EPB41L4A: variants seen among roughly 807,000 people sequenced by gnomAD.
EPB41L4A encodes the protein erythrocyte membrane protein band 4.1 like 4A, also known as band 4.1-like protein 4A.
A neutral mutation model predicts 108.6 loss-of-function variants in EPB41L4A; 100 were observed. The ratio of observed to expected loss-of-function variants is 0.92; its 90% CI spans 0.78 to 1.09. The LOEUF (loss-of-function observed/expected upper bound fraction) is 1.09, where lower values mean the gene tolerates loss of function less well. Ranked by LOEUF, EPB41L4A falls within the 50% of genes least tolerant of loss-of-function variation. The pLI, the probability that EPB41L4A is intolerant of heterozygous loss-of-function variation, is 0.00. For synonymous variants in EPB41L4A, 319 were observed against 289.0 expected (o/e 1.10, Z -1.05); for missense variants, 1,030 against 842.7 (o/e 1.22, Z -2.75).
intron 14 of EPB41L4A, 128 bp downstream of exon 14, chr5:112,205,293 G>T: frequency 1.2e-6 from 1 of 813,182 alleles, no homozygotes; most frequent in Non-Finnish European, 2.2e-6. Flanking sequence ...CATTGATTTA[G>T]AGTCTGCCCA....
At chr5:112,351,779 C>CA (rs1462804832) in intron 1 of EPB41L4A, among the ~76,000 whole-genome samples, 3 of 151,986 alleles carry the variant, frequency 2.0e-5, no homozygotes, top group Non-Finnish European at 4.4e-5. Context: ...AGCAACATAT[C>CA]AAAAAAATAA....
At position 112,240,805 on chromosome 5, in the gene EPB41L4A, G is replaced by T; in HGVS notation, c.801C>A (p.Asn267Lys). 1 of 1,580,894 alleles carries T rather than the reference G, an allele frequency of 6.3e-7. No individual in the cohort carries two copies. Among genetic ancestry groups the T allele is most frequent in the Non-Finnish European group, 8.6e-7 (1 of 1,165,686 alleles). The change falls in exon 10 of 23, where the codon AAC becomes AAA. Residue 267 changes from asparagine to lysine, a missense_variant. By Grantham distance (94) the Asn-to-Lys change is moderately conservative. Coordinates refer to ENST00000261486, the MANE Select transcript of EPB41L4A (RefSeq NM_022140.5). ...FELRVLGKDC[N>K]ETSFFFEARS... Reference sequence around the variant, plus strand: ...GAGCTTCAAAAAAGAATGAGGTTTCGTTACACTAAGAGAGAAAGAGAGACA... The same window carrying T: ...GAGCTTCAAAAAAGAATGAGGTTTCTTTACACTAAGAGAGAAAGAGAGACA...
At chr5:112,363,356 G>A (rs1213371015) in intron 1 of EPB41L4A, 3 of 149,400 alleles carry the variant, frequency 2.0e-5, no homozygotes, top group Non-Finnish European at 3.0e-5. Flanking sequence ...AACACTTTGA[G>A]AGGCTGAGGT....
chr5:112,312,974 T>C (rs1190150306), intron 1 of EPB41L4A, among the ~76,000 whole-genome samples: 2 of 152,224 alleles, frequency 1.3e-5, no homozygotes, highest in Admixed American at 6.5e-5. Flanking sequence ...GGGCCAGTCC[T>C]AGGATTTATT....
At chr5:112,315,598 T>C (rs35843631) in intron 1 of EPB41L4A, among the ~76,000 whole-genome samples, 9,414 of 152,276 alleles carry the variant, frequency 0.062, 362 homozygotes, top group Middle Eastern at 0.092. Flanking sequence ...CTTTTAACTT[T>C]AAAATACACA....
At chr5:112,263,721 C>A (rs924344531) in intron 6 of EPB41L4A, 4 of 152,190 alleles carry the variant, frequency 2.6e-5, no homozygotes, top group African/African-American at 9.6e-5. Flanking sequence ...CTTTCTCTGA[C>A]TGCAATTCAG....
intron 9 of EPB41L4A, among the ~76,000 whole-genome samples, chr5:112,246,572 T>C (rs1004023488): frequency 6.6e-6 from 1 of 152,204 alleles, no homozygotes. Context: ...AAAAGCTACA[T>C]GCCTCCCCCA....
intron 12 of EPB41L4A, among the ~76,000 whole-genome samples, chr5:112,223,489 C>A (rs895926810): frequency 6.6e-6 from 1 of 152,138 alleles, no homozygotes; most frequent in Non-Finnish European, 1.5e-5. Flanking sequence ...TCCTCAGATG[C>A]CATCTACTCA....
chr5:112,396,203 C>A (rs2112711782), intron 1 of EPB41L4A, among the ~76,000 whole-genome samples: 1 of 152,040 alleles, frequency 6.6e-6, no homozygotes, highest in African/African-American at 2.4e-5. Context: ...ACATATGTAA[C>A]AAACCTGCAC....
At chr5:112,275,703 T>G (rs1054564205) in intron 3 of EPB41L4A, among the ~76,000 whole-genome samples, 1 of 152,030 alleles carries the variant, frequency 6.6e-6, no homozygotes, top group African/African-American at 2.4e-5. Flanking sequence ...ATATGTAATT[T>G]TTCATAGTGA....
intron 1 of EPB41L4A, among the ~76,000 whole-genome samples, chr5:112,353,616 G>A (rs1481237150): frequency 6.6e-6 from 1 of 152,176 alleles, no homozygotes; most frequent in East Asian, 1.9e-4. Context: ...GGTACACATG[G>A]CAGGGTTATC....
At chr5:112,351,589 A>G (rs1445288312) in intron 1 of EPB41L4A, among the ~76,000 whole-genome samples, 1 of 152,184 alleles carries the variant, frequency 6.6e-6, no homozygotes, top group Admixed American at 6.5e-5. Flanking sequence ...CCTGAAGAGG[A>G]GGGAATTCTT....
At chr5:112,378,952 C>T (rs1561623964) in intron 1 of EPB41L4A, among the ~76,000 whole-genome samples, 1 of 152,150 alleles carries the variant, frequency 6.6e-6, no homozygotes, top group African/African-American at 2.4e-5. Flanking sequence ...GATGTGTTCT[C>T]CAGCAGTCCA....
chr5:112,386,563 T>G (rs1760542942), intron 1 of EPB41L4A, among the ~76,000 whole-genome samples: 1 of 152,216 alleles, frequency 6.6e-6, no homozygotes, highest in Non-Finnish European at 1.5e-5. Context: ...TATTATTGGA[T>G]GTAACCGTCA....
At chr5:112,237,065 G>A (rs1468439608) in intron 11 of EPB41L4A, among the ~76,000 whole-genome samples, 1 of 152,112 alleles carries the variant, frequency 6.6e-6, no homozygotes, top group East Asian at 1.9e-4. Flanking sequence ...ATTCTCAAGT[G>A]TAAATTCTAC....
chr5:112,357,508 C>T (rs1758437161), intron 1 of EPB41L4A, among the ~76,000 whole-genome samples: 1 of 152,180 alleles, frequency 6.6e-6, no homozygotes, highest in African/African-American at 2.4e-5. Flanking sequence ...TTCCTTAAGA[C>T]CAGGTGCCTG....
At position 112,227,143 on chromosome 5, in the gene EPB41L4A, C is replaced by T. The variant is rs143353392; in HGVS notation, c.1087+7491G>A. On this transcript the variant is annotated intron_variant, in intron 12 of 22. Transcript: ENST00000261486. Reference sequence around the variant, plus strand: ...ACAGAAGAAACCTTCACATAGTATGCTCTGACTGGCCCAGTTCTTCACACT... The same window carrying T: ...ACAGAAGAAACCTTCACATAGTATGTTCTGACTGGCCCAGTTCTTCACACT... Among the ~76,000 whole-genome samples, 802 of 152,238 alleles carry T rather than the reference C, an allele frequency of 5.3e-3. 5 individuals are homozygous for T. The highest frequency in any genetic ancestry group is 7.5e-3 in the Non-Finnish European group (513 of 68,032).
intron 1 of EPB41L4A, among the ~76,000 whole-genome samples, chr5:112,387,613 A>G (rs1760653244): frequency 6.6e-6 from 1 of 152,216 alleles, no homozygotes; most frequent in Admixed American, 6.5e-5. Context: ...TGGGAGACAG[A>G]AAGATTTTCA....
chr5:112,376,407 T>C (rs1017177362), intron 1 of EPB41L4A, among the ~76,000 whole-genome samples: 10 of 152,222 alleles, frequency 6.6e-5, no homozygotes, highest in African/African-American at 1.2e-4. Context: ...CACAAAGAAA[T>C]TGGGTAACTC....
Sources: gnomAD v4.1 joint callset for allele counts (sites outside exome capture counted in the v4.1 genomes callset) on GRCh38, gnomAD v4.1.1 for gene constraint, MANE v1.5 for transcripts, NCBI Gene and HGNC (gene_info 2026-07-23, HGNC 2026-07-21) for gene names.